The following UTP25 variants were observed in gnomAD, a reference collection of about 807,000 sequenced individuals.
UTP25 encodes U3 small nucleolar RNA-associated protein 25 homolog.
Under a neutral mutation model 78.9 loss-of-function variants are expected in UTP25, and 50 were observed. The ratio of observed to expected loss-of-function variants is 0.63; its 90% CI spans 0.50 to 0.80. The LOEUF is 0.80. Among genes scored for constraint, UTP25 ranks in the 30% least tolerant of loss-of-function variants. The probability of loss-of-function intolerance (pLI) is 0.00; values close to 1 mark genes in which losing one functional copy is unlikely to be tolerated. For missense variants in UTP25, 846 were observed against 911.3 expected, an observed-to-expected ratio of 0.93 and a Z score of 0.92; for synonymous variants, 329 against 336.5, an observed-to-expected ratio of 0.98 and a Z score of 0.24.
At chr1:209,834,492 C>T (rs1454946633) in intron 4 of UTP25, among the ~76,000 whole-genome samples, 2 of 152,132 alleles carry the variant, frequency 1.3e-5, no homozygotes, top group Non-Finnish European at 2.9e-5. Context: ...GACATGGAAC[C>T]TGTTCTTAGA....
chr1:209,827,986 C>T lies in UTP25; in HGVS notation c.-78C>T. 3 of 1,123,254 alleles carry T rather than the reference C, an allele frequency of 2.7e-6. No homozygotes were observed. The highest frequency in any genetic ancestry group is 1.2e-5 in the South Asian group (1 of 81,202). 69.6% of individuals were successfully genotyped at this position (1,123,254 alleles called of 1,614,324 possible). ...CGCCGTAAAGCGCAGTCAGCGAGCC[C>T]ACGTGCTTGTGTTGACTGGACAACT... is the stretch of plus-strand genomic sequence containing the variant. On this transcript the variant is annotated 5_prime_UTR_variant, in exon 1 of 12. Coordinates refer to ENST00000491415, the MANE Select transcript of UTP25 (RefSeq NM_014388.7).
At chr1:209,831,290 C>A (rs948530717) in intron 3 of UTP25, among the ~76,000 whole-genome samples, 2 of 152,160 alleles carry the variant, frequency 1.3e-5, no homozygotes, top group Non-Finnish European at 2.9e-5. Context: ...TAGTGAAAGA[C>A]CTCCTAATAC....
chr1:209,828,155 A>T lies in UTP25; in HGVS notation c.92A>T (p.His31Leu). The part of the protein sequence containing the change: ...KKHLRDFGEE[H>L]PFYDRVSRKE... ...CATCTTCGAGATTTCGGCGAGGAGC[A>T]TCCCTTCTATGACAGGTCTGAAGGG... Residue 31 changes from histidine (H) to leucine (L), a missense_variant, in exon 1 of 12, where the codon CAT (histidine) becomes CTT (leucine). His to Leu is a moderately conservative substitution (Grantham distance 99). Transcript: ENST00000491415. The T allele has an allele frequency of 1.2e-6, 2 of 1,614,048 alleles. No homozygotes were observed. Among genetic ancestry groups the T allele is most frequent in the Non-Finnish European group, 1.7e-6 (2 of 1,179,902 alleles).
chr1:209,855,075 C>T lies in UTP25; in HGVS notation c.*3628C>T, dbSNP rs566032824. 5 of 152,304 alleles carry T rather than the reference C, an allele frequency of 3.3e-5. No individual in the cohort carries two copies. Among genetic ancestry groups the T allele is most frequent in the Admixed American group, 1.3e-4 (2 of 15,300 alleles). 9.4% of individuals were successfully genotyped at this position (152,304 alleles called of 1,614,324 possible). ...AGTCAATGAATGGGGAGTAAATACA[C>T]AGATAATCCAAAATTGATGTAAGCA... is the stretch of plus-strand genomic sequence containing the variant. On this transcript the variant is annotated 3_prime_UTR_variant, in exon 12 of 12. Transcript: ENST00000491415.
At chr1:209,850,502 C>A (rs957483781) in intron 11 of UTP25, among the ~76,000 whole-genome samples, 2 of 152,198 alleles carry the variant, frequency 1.3e-5, no homozygotes, top group African/African-American at 2.4e-5. Context: ...CATATAAAAT[C>A]TTTTGTTATG....
At chr1:209,829,741 C>T (rs1486498249) in intron 1 of UTP25, among the ~76,000 whole-genome samples, 1 of 152,138 alleles carries the variant, frequency 6.6e-6, no homozygotes. Flanking sequence ...CCACCTTGGC[C>T]TCCTAAAGTG....
chr1:209,834,442 G>A (rs2078120541), intron 4 of UTP25, among the ~76,000 whole-genome samples: 1 of 152,140 alleles, frequency 6.6e-6, no homozygotes, highest in Non-Finnish European at 1.5e-5. Flanking sequence ...ATTCAGTGGA[G>A]TATTGGTCAT....
Position 209,855,150 on chromosome 1 carries a change from C to T in UTP25, c.*3703C>T, listed in dbSNP as rs1031716483. The T allele has an allele frequency of 2.0e-5, 3 of 152,190 alleles. No individual in the cohort carries two copies. Among genetic ancestry groups the T allele is most frequent in the Admixed American group, 2.0e-4 (3 of 15,284 alleles). 9.4% of individuals were successfully genotyped at this position (152,190 alleles called of 1,614,324 possible). On this transcript the variant is annotated 3_prime_UTR_variant, in exon 12 of 12. Coordinates refer to ENST00000491415, the MANE Select transcript of UTP25 (RefSeq NM_014388.7). ...TCTTTCCCTCTGGGCTTGGTCATTT[C>T]CTCCCAAGCAAACCCCGCGACGTTC...
At position 209,853,965 on chromosome 1, in the gene UTP25, A is replaced by C. The variant is rs998639951; in HGVS notation, c.*2518A>C. The C allele has an allele frequency of 6.6e-6, 1 of 152,216 alleles. No homozygotes were observed. Among genetic ancestry groups the C allele is most frequent in the Non-Finnish European group, 1.5e-5 (1 of 68,036 alleles). 9.4% of individuals were successfully genotyped at this position (152,216 alleles called of 1,614,324 possible). A position where few individuals can be genotyped will look rare whatever the true frequency, so the allele number is the denominator to read the frequency against. ...TTTGTTCCTGGCTCAGCACCTGAAA[A>C]GAAGGTAAGCCTCTGCAGTTAGCCC... On this transcript the variant is annotated 3_prime_UTR_variant, in exon 12 of 12. Transcript: ENST00000491415.
At position 209,843,703 on chromosome 1, in the gene UTP25, T is replaced by C. The variant is rs937695653; in HGVS notation, c.2027+7T>C. The C allele has an allele frequency of 2.5e-6, 4 of 1,610,732 alleles. No individual in the cohort carries two copies. The African/African-American group carries it at 4.0e-5, about 16-fold the overall frequency. ...GCTTCCATTTCTACAAAAGGTAAAG[T>C]GGTGCCAGGTTTCAAGCCTCCTCTC... On this transcript the variant is annotated splice_region_variant and intron_variant, in intron 11 of 11. Coordinates refer to ENST00000491415, the MANE Select transcript of UTP25 (RefSeq NM_014388.7).
intron 11 of UTP25, among the ~76,000 whole-genome samples, chr1:209,849,106 T>G (rs1217157028): frequency 6.6e-6 from 1 of 152,018 alleles, no homozygotes. Context: ...AGGCCTCTTG[T>G]TTCTCCTTGC....
chr1:209,837,492 T>C (rs1437936540), intron 6 of UTP25, among the ~76,000 whole-genome samples: 3 of 152,202 alleles, frequency 2.0e-5, no homozygotes, highest in Admixed American at 6.5e-5. Flanking sequence ...TAAAACTCCA[T>C]TATAAATCTC....
Position 209,840,999 on chromosome 1 carries a change from CT to C in UTP25, c.1431del (p.Leu478SerfsTer10), listed in dbSNP as rs1273769180. On this transcript the variant is annotated frameshift_variant, in exon 8 of 12. Coordinates refer to ENST00000491415, the MANE Select transcript of UTP25 (RefSeq NM_014388.7). LOFTEE classifies it high-confidence loss of function. ...TTTTGACTTTCTGTCTTCTATCGAG[CT>C]TCTCATCATTGATCAAGCTGACATT... ...RDFDFLSSIE[L>X]LIIDQADIYL... is the part of the protein sequence containing the mutation. 1.2e-6 allele frequency: 2 copies of C among 1,614,074 alleles called. No homozygotes were observed. Among genetic ancestry groups the C allele is most frequent in the African/African-American group, 2.7e-5 (2 of 75,036 alleles).
chr1:209,839,490 C>G (rs2078154250), intron 7 of UTP25, among the ~76,000 whole-genome samples: 1 of 152,154 alleles, frequency 6.6e-6, no homozygotes, highest in African/African-American at 2.4e-5. Context: ...TGGGGTCATT[C>G]TGGGGAGGCT....
chr1:209,841,285 C>G (rs924759372), intron 8 of UTP25, among the ~76,000 whole-genome samples: 1 of 152,170 alleles, frequency 6.6e-6, no homozygotes, highest in Non-Finnish European at 1.5e-5. Flanking sequence ...CAGTCATTTT[C>G]AAATCTCCAG....
chr1:209,830,520 C>T (rs895265416), intron 2 of UTP25, among the ~76,000 whole-genome samples: 1 of 145,054 alleles, frequency 6.9e-6, no homozygotes, highest in Non-Finnish European at 1.5e-5. Context: ...AAAAAAGAAA[C>T]CTGTTTTCTT....
At chr1:209,851,106 A>G in intron 11 of UTP25, 98 bp from the exon 12 acceptor site, 1 of 1,351,312 alleles carries the variant, frequency 7.4e-7, no homozygotes. Flanking sequence ...ATTAGCAGGA[A>G]GCAACAAGCA....
At chr1:209,829,826 G>C (rs2078093118) in intron 1 of UTP25, among the ~76,000 whole-genome samples, 1 of 152,102 alleles carries the variant, frequency 6.6e-6, no homozygotes, top group South Asian at 2.1e-4. Flanking sequence ...AGAAAAACAT[G>C]AACCCCGAAA....
Position 209,840,790 on chromosome 1 carries a change from G to A in UTP25, c.1283-63G>A, listed in dbSNP as rs759200936. ...ATAGAAGTGGTGGACTGCTTTGAGA[G>A]GGTGGAAGGTAATGGCTTGGTAGTG... is the stretch of plus-strand genomic sequence containing the variant. On this transcript the variant is annotated intron_variant, in intron 7 of 11. Transcript: ENST00000491415. The A allele has an allele frequency of 1.2e-5, 19 of 1,521,266 alleles. No individual in the cohort carries two copies. The South Asian group carries it at 2.1e-4, about 17-fold the overall frequency. The allele number at this position is 1,521,266 out of a possible 1,614,324, so 94.2% of individuals were successfully genotyped here.
Sources: allele counts gnomAD v4.1 joint callset (sites outside exome capture counted in the v4.1 genomes callset), GRCh38; gene constraint gnomAD v4.1.1; transcripts MANE v1.5; gene names NCBI Gene and HGNC (gene_info 2026-07-23, HGNC 2026-07-21).